SLC35D4: variants seen among roughly 807,000 people sequenced by gnomAD.
SLC35D4 encodes the protein UDP-N-acetylglucosamine transporter SLC35D4.
the SLC35D4 span, chr18:23,253,828 G>C: frequency 6.2e-7 from 1 of 1,614,110 alleles, no homozygotes; most frequent in East Asian, 2.2e-5. Flanking sequence ...TCGCCCTCAA[G>C]GGGAAACTCA....
chr18:23,405,483 C>T, the SLC35D4 span, among the ~76,000 whole-genome samples: 2 of 152,330 alleles, frequency 1.3e-5, no homozygotes, highest in East Asian at 3.9e-4. Flanking sequence ...AGCCACCACA[C>T]CTGGCCAATT....
the SLC35D4 span, among the ~76,000 whole-genome samples, chr18:23,314,867 C>T: frequency 6.6e-6 from 1 of 152,254 alleles, no homozygotes; most frequent in Non-Finnish European, 1.5e-5. Context: ...GAGGTGTCAG[C>T]CGCAGGGCTT....
the SLC35D4 span, among the ~76,000 whole-genome samples, chr18:23,388,971 A>G: frequency 1.1e-4 from 16 of 145,700 alleles, no homozygotes; most frequent in Non-Finnish European, 2.4e-4. Context: ...TTCATAAATT[A>G]CCCAGTCAAG....
chr18:23,381,983 T>A, the SLC35D4 span, among the ~76,000 whole-genome samples: 1 of 152,156 alleles, frequency 6.6e-6, no homozygotes, highest in Non-Finnish European at 1.5e-5. Context: ...CTCATGCCTG[T>A]AATCCCAGCA....
chr18:23,298,057 C>T, the SLC35D4 span: 54 of 1,613,714 alleles, frequency 3.3e-5, no homozygotes, highest in East Asian at 2.0e-4. Context: ...CCAAGCGCAC[C>T]GAGCAGGAGG....
the SLC35D4 span, among the ~76,000 whole-genome samples, chr18:23,389,374 C>G: frequency 0.12 from 18,675 of 152,114 alleles, 1,259 homozygotes; most frequent in Middle Eastern, 0.19. Flanking sequence ...TAAACCTATG[C>G]CTTTTTTAAA....
the SLC35D4 span, among the ~76,000 whole-genome samples, chr18:23,404,992 C>CAAACAAA: frequency 4.5e-5 from 2 of 44,480 alleles, no homozygotes; most frequent in Non-Finnish European, 8.9e-5. Flanking sequence ...GACTCCGTCT[C>CAAACAAA]AAAAAAAAAA....
At chr18:23,244,101 T>C in the SLC35D4 span, among the ~76,000 whole-genome samples, 1 of 152,242 alleles carries the variant, frequency 6.6e-6, no homozygotes, top group Non-Finnish European at 1.5e-5. Flanking sequence ...TGGCTCATTC[T>C]CTACTGCCAC....
At chr18:23,352,127 AC>A in the SLC35D4 span, 2 of 1,396,448 alleles carry the variant, frequency 1.4e-6, no homozygotes, top group African/African-American at 2.9e-5. Context: ...ACTTCACATT[AC>A]CCAGGTTCTG....
the SLC35D4 span, among the ~76,000 whole-genome samples, chr18:23,287,191 A>G: frequency 6.6e-6 from 1 of 151,952 alleles, no homozygotes; most frequent in Non-Finnish European, 1.5e-5. Flanking sequence ...TTCAGGATCT[A>G]TGACTTATCA....
At chr18:23,386,582 C>T in the SLC35D4 span, among the ~76,000 whole-genome samples, 1 of 152,106 alleles carries the variant, frequency 6.6e-6, no homozygotes, top group Non-Finnish European at 1.5e-5. Flanking sequence ...ACAGTAGCCA[C>T]AGGAAATGAA....
At chr18:23,320,620 T>C in the SLC35D4 span, among the ~76,000 whole-genome samples, 1 of 152,192 alleles carries the variant, frequency 6.6e-6, no homozygotes, top group Non-Finnish European at 1.5e-5. Context: ...GCATTCCCCT[T>C]TCCCTCTAAC....
chr18:23,410,509 A>G, the SLC35D4 span, among the ~76,000 whole-genome samples: 11 of 149,738 alleles, frequency 7.3e-5, no homozygotes, highest in Admixed American at 2.7e-4. Flanking sequence ...TAAAGTTCGT[A>G]ACTGGGGGCT....
the SLC35D4 span, among the ~76,000 whole-genome samples, chr18:23,283,900 C>T: frequency 6.6e-6 from 1 of 151,878 alleles, no homozygotes; most frequent in African/African-American, 2.4e-5. Flanking sequence ...CTTATAGTTA[C>T]TTCTTGATTA....
chr18:23,418,900 C>T, the SLC35D4 span, among the ~76,000 whole-genome samples: 142,256 of 151,482 alleles, frequency 0.94, 66,847 homozygotes, highest in African/African-American at 0.95. Flanking sequence ...CCCAGCTACT[C>T]GGGAGGCTGA....
At chr18:23,360,356 C>G in the SLC35D4 span, among the ~76,000 whole-genome samples, 1 of 152,202 alleles carries the variant, frequency 6.6e-6, no homozygotes, top group Non-Finnish European at 1.5e-5. Flanking sequence ...ATGTTCAGAG[C>G]AGCCTCAAGC....
the SLC35D4 span, among the ~76,000 whole-genome samples, chr18:23,338,789 T>A: frequency 6.6e-6 from 1 of 152,216 alleles, no homozygotes; most frequent in East Asian, 1.9e-4. Context: ...CTCCAGGTTC[T>A]AGGACTTACA....
the SLC35D4 span, among the ~76,000 whole-genome samples, chr18:23,242,561 TGGGTG>T: frequency 6.6e-6 from 1 of 152,126 alleles, no homozygotes; most frequent in Admixed American, 6.5e-5. Flanking sequence ...CCCCTCTTTA[TGGGTG>T]TGGAAGGCAA....
chr18:23,357,731 A>T, the SLC35D4 span, among the ~76,000 whole-genome samples: 48 of 152,370 alleles, frequency 3.2e-4, no homozygotes, highest in Non-Finnish European at 4.7e-4. Context: ...AAACGATCTC[A>T]AATGATTCAA....
Sources: allele counts gnomAD v4.1 joint callset (sites outside exome capture counted in the v4.1 genomes callset), GRCh38; gene constraint gnomAD v4.1.1; transcripts MANE v1.5; gene names NCBI Gene and HGNC (gene_info 2026-07-23, HGNC 2026-07-21).